Variants in AKAIN1 observed in about 807,000 individuals in gnomAD.
AKAIN1 encodes the protein A-kinase anchor protein inhibitor 1.
In AKAIN1, 3 loss-of-function variants were observed where a neutral mutation model predicts 3.7. The ratio of observed to expected loss-of-function variants is 0.82; its 90% CI spans 0.37 to 2.12. AKAIN1 has a LOEUF of 2.12. Ranked by LOEUF, AKAIN1 falls within the 30% of genes most tolerant of loss-of-function variation. The pLI, the probability that AKAIN1 is intolerant of heterozygous loss-of-function variation, is 0.06. For synonymous variants in AKAIN1, 31 were observed against 30.8 expected, an observed-to-expected ratio of 1.01 and a Z score of -0.02; for missense variants, 82 against 82.7, an observed-to-expected ratio of 0.99 and a Z score of 0.03.
intron 1 of AKAIN1, among the ~76,000 whole-genome samples, chr18:5,187,462 C>T (rs528971882): frequency 5.9e-5 from 9 of 152,166 alleles, no homozygotes; most frequent in Admixed American, 1.3e-4. Flanking sequence ...AATCATGGCA[C>T]TGGCATCTGG....
At position 5,169,522 on chromosome 18, in the gene AKAIN1, G is replaced by A. The variant is rs1173377548; in HGVS notation, c.17-23767C>T. Among the ~76,000 whole-genome samples, 4 of 152,058 alleles carry A rather than the reference G, an allele frequency of 2.6e-5. No individual in the cohort carries two copies. In the South Asian group the frequency reaches 6.2e-4, roughly 24 times the overall value. On this transcript the variant is annotated intron_variant, in intron 1 of 1. Transcript: ENST00000434239. ...TCTCCAGTGAGTTCTACACAGCTCA[G>A]CTCCAAAAATCCAAGCACAATTGGC...
intron 1 of AKAIN1, among the ~76,000 whole-genome samples, chr18:5,163,253 G>T (rs1200909077): frequency 1.3e-5 from 2 of 151,968 alleles, no homozygotes; most frequent in African/African-American, 4.8e-5. Flanking sequence ...TGCCAAATCT[G>T]CACTGCATTT....
chr18:5,184,589 C>A (rs898237404), intron 1 of AKAIN1, among the ~76,000 whole-genome samples: 14 of 151,896 alleles, frequency 9.2e-5, no homozygotes, highest in African/African-American at 3.1e-4. Context: ...ATCCCATTCA[C>A]AATAGACACA....
chr18:5,163,000 G>A, intron 1 of AKAIN1, among the ~76,000 whole-genome samples: 1 of 151,936 alleles, frequency 6.6e-6, no homozygotes, highest in East Asian at 1.9e-4. Flanking sequence ...CAATTCAGTA[G>A]GTTTGGGATT....
chr18:5,189,960 A>G (rs1422994911), intron 1 of AKAIN1, among the ~76,000 whole-genome samples: 1 of 152,188 alleles, frequency 6.6e-6, no homozygotes. Context: ...TGGTGTTGCC[A>G]TACCAAAATA....
chr18:5,189,104 G>C (rs951467153), intron 1 of AKAIN1, among the ~76,000 whole-genome samples: 1 of 152,164 alleles, frequency 6.6e-6, no homozygotes, highest in Non-Finnish European at 1.5e-5. Context: ...AGCAGCCAAG[G>C]AGAGTTATGC....
intron 1 of AKAIN1, among the ~76,000 whole-genome samples, chr18:5,191,928 A>G (rs965673397): frequency 1.3e-5 from 2 of 152,204 alleles, no homozygotes; most frequent in Non-Finnish European, 2.9e-5. Flanking sequence ...TATTTCTTAT[A>G]CACATATATT....
At chr18:5,183,856 C>T (rs974317142) in intron 1 of AKAIN1, among the ~76,000 whole-genome samples, 6 of 151,958 alleles carry the variant, frequency 3.9e-5, no homozygotes, top group Admixed American at 3.9e-4. Flanking sequence ...TTAACATATG[C>T]TGTTGATTCA....
chr18:5,177,926 C>A (rs900069124), intron 1 of AKAIN1, among the ~76,000 whole-genome samples: 4 of 152,128 alleles, frequency 2.6e-5, no homozygotes, highest in Admixed American at 2.6e-4. Context: ...AGTGTCAACA[C>A]TGCCTGAGGA....
intron 1 of AKAIN1, among the ~76,000 whole-genome samples, chr18:5,196,338 G>A (rs2071347586): frequency 2.0e-5 from 3 of 152,202 alleles, no homozygotes; most frequent in Admixed American, 6.5e-5. Context: ...GCGCACGCAC[G>A]CACACGCCGC....
chr18:5,155,963 C>T (rs1266414811), intron 1 of AKAIN1, among the ~76,000 whole-genome samples: 1 of 152,110 alleles, frequency 6.6e-6, no homozygotes, highest in Non-Finnish European at 1.5e-5. Flanking sequence ...ATCAAACATA[C>T]TTAGAGTAAC....
chr18:5,167,590 C>T (rs1243571836), intron 1 of AKAIN1, among the ~76,000 whole-genome samples: 1 of 152,022 alleles, frequency 6.6e-6, no homozygotes, highest in Admixed American at 6.6e-5. Context: ...GAGTTTATAA[C>T]AGAGGTGATG....
chr18:5,186,078 G>T (rs191632747), intron 1 of AKAIN1, among the ~76,000 whole-genome samples: 2 of 152,090 alleles, frequency 1.3e-5, no homozygotes, highest in African/African-American at 4.8e-5. Flanking sequence ...ATAGATGCAC[G>T]GATGGAGCTG....
intron 1 of AKAIN1, among the ~76,000 whole-genome samples, chr18:5,169,327 GT>G (rs2071184644): frequency 6.6e-6 from 1 of 152,082 alleles, no homozygotes; most frequent in South Asian, 2.1e-4. Flanking sequence ...CTAGACAGGT[GT>G]TTGGCCAATC....
Position 5,145,608 on chromosome 18 carries a change from A to G in AKAIN1, c.164T>C (p.Ile55Thr), listed in dbSNP as rs1233773381. 6.4e-7 allele frequency: 1 copy of G among 1,551,584 alleles called. No homozygotes were observed. Among genetic ancestry groups the G allele is most frequent in the East Asian group, 2.4e-5 (1 of 40,912 alleles). The change falls in exon 2 of 2, where the codon ATC becomes ACC. Residue 55 changes from isoleucine to threonine, a missense_variant. Transcript: ENST00000434239. ...GGTTAACTCCCCAACGCCCAGTTGG[A>G]TGTGGTCCCGGTTGTCACTGATTCT... ...EERISDNRDH[I>T]QLGVGELTKK...
chr18:5,166,196 A>G (rs946109376), intron 1 of AKAIN1, among the ~76,000 whole-genome samples: 1 of 152,078 alleles, frequency 6.6e-6, no homozygotes, highest in Non-Finnish European at 1.5e-5. Flanking sequence ...TCATCTACGT[A>G]TACGTCTTCT....
intron 1 of AKAIN1, among the ~76,000 whole-genome samples, chr18:5,147,694 C>A (rs142943683): frequency 1.4e-3 from 218 of 152,284 alleles, no homozygotes; most frequent in African/African-American, 4.5e-3. Context: ...ATTTATTGAG[C>A]ATTTTTATCC....
At chr18:5,155,376 G>A (rs1332967275) in intron 1 of AKAIN1, among the ~76,000 whole-genome samples, 2 of 152,110 alleles carry the variant, frequency 1.3e-5, no homozygotes, top group African/African-American at 4.8e-5. Context: ...TCTCAATTGC[G>A]CATGCGTAGG....
chr18:5,176,709 G>T (rs536985055), intron 1 of AKAIN1, among the ~76,000 whole-genome samples: 4 of 152,232 alleles, frequency 2.6e-5, no homozygotes, highest in South Asian at 2.1e-4. Context: ...ATTATGAAAA[G>T]TAATGGCTAG....
Sources: allele counts gnomAD v4.1 joint callset (sites outside exome capture counted in the v4.1 genomes callset), GRCh38; gene constraint gnomAD v4.1.1; transcripts MANE v1.5; gene names NCBI Gene and HGNC (gene_info 2026-07-23, HGNC 2026-07-21).